VANGL1: variants seen among roughly 807,000 people sequenced by gnomAD.
The protein encoded by VANGL1 is vang-like protein 1.
A neutral mutation model predicts 48.4 loss-of-function variants in VANGL1; 18 were observed. The ratio of observed to expected loss-of-function variants is 0.37; its 90% CI spans 0.26 to 0.55. VANGL1 has a LOEUF of 0.55. Among genes scored for constraint, VANGL1 ranks in the 20% least tolerant of loss-of-function variants. The pLI, the probability that VANGL1 is intolerant of heterozygous loss-of-function variation, is 0.81. For missense variants in VANGL1, 667 were observed against 675.8 expected (o/e 0.99, Z 0.14); for synonymous variants, 257 against 261.8 (o/e 0.98, Z 0.18).
At chr1:115,662,147 G>A (rs1196870690) in intron 3 of VANGL1, among the ~76,000 whole-genome samples, 1 of 152,118 alleles carries the variant, frequency 6.6e-6, no homozygotes, top group East Asian at 1.9e-4. Flanking sequence ...GCAAGTTGAA[G>A]GATTATTAGT....
At chr1:115,675,517 T>C (rs11589651) in intron 4 of VANGL1, among the ~76,000 whole-genome samples, 16,382 of 151,858 alleles carry the variant, frequency 0.11, 1,107 homozygotes, top group Admixed American at 0.15. Context: ...AAATAAAAAT[T>C]GGCCAGGTTT....
chr1:115,677,535 TGAG>T (rs1341524594), intron 4 of VANGL1, among the ~76,000 whole-genome samples: 1 of 152,182 alleles, frequency 6.6e-6, no homozygotes, highest in African/African-American at 2.4e-5. Flanking sequence ...TGAAGCCTAT[TGAG>T]GAGGTTTTTA....
In VANGL1 at chr1:115,680,942, C is replaced by G. The variant is rs78586713; in HGVS notation, c.813-1422C>G. 4.0e-4 allele frequency among the ~76,000 whole-genome samples: 61 copies of G among 152,212 alleles called. 3 individuals carry two copies. The East Asian group carries it at 0.012, about 29-fold the overall frequency. On this transcript the variant is annotated intron_variant, in intron 4 of 7. Coordinates refer to ENST00000355485, the MANE Select transcript of VANGL1 (RefSeq NM_138959.3). ...GTACTAGAAAGGAAAATCCAAAGGGCAAGATAAAAATATATCTGTGGTATT... is the reference window on the plus strand; with the variant it reads ...GTACTAGAAAGGAAAATCCAAAGGGGAAGATAAAAATATATCTGTGGTATT...
chr1:115,678,549 A>G (rs572229535), intron 4 of VANGL1, among the ~76,000 whole-genome samples: 3 of 152,370 alleles, frequency 2.0e-5, no homozygotes, highest in South Asian at 2.1e-4. Flanking sequence ...GATGGAACCC[A>G]GTGTCTTCAC....
intron 4 of VANGL1, among the ~76,000 whole-genome samples, chr1:115,669,728 T>C (rs1326665309): frequency 6.6e-6 from 1 of 152,202 alleles, no homozygotes; most frequent in African/African-American, 2.4e-5. Flanking sequence ...TAAACCTCTT[T>C]TTCTATATAA....
chr1:115,643,570 C>T (rs1220053999), intron 1 of VANGL1, among the ~76,000 whole-genome samples: 1 of 152,148 alleles, frequency 6.6e-6, no homozygotes, highest in Non-Finnish European at 1.5e-5. Context: ...TTAGTGAAAA[C>T]ACTCAGTGTG....
At position 115,687,914 on chromosome 1, in the gene VANGL1, C is replaced by T. The variant is rs1653688461; in HGVS notation, c.1314+2387C>T. Among the ~76,000 whole-genome samples, 2 of 133,540 alleles carry T rather than the reference C, an allele frequency of 1.5e-5. 1 individual carries two copies. Among genetic ancestry groups the T allele is most frequent in the African/African-American group, 5.7e-5 (2 of 35,052 alleles). The allele number at this position is 133,540 out of a possible 152,430, so 87.6% of individuals were successfully genotyped here. ...GTGCTAGTATTACAGGCCACCACCC[C>T]GGCCTATATATATCATTCATTAGGT... On this transcript the variant is annotated intron_variant, in intron 7 of 7. Transcript: ENST00000355485.
At chr1:115,654,498 TAAAAAAAAAAAAAAA>T (rs869142756) in intron 2 of VANGL1, among the ~76,000 whole-genome samples, 4 of 90,822 alleles carry the variant, frequency 4.4e-5, no homozygotes, top group Non-Finnish European at 6.2e-5. Flanking sequence ...TTGGTAGGGC[TAAAAAAAAAAAAAAA>T]AAAAAAAAAT....
Position 115,659,723 on chromosome 1 carries a change from ACT to A in VANGL1, c.155_156del (p.Thr52ArgfsTer8), listed in dbSNP as rs1362607560. The A allele has an allele frequency of 6.2e-7, 1 of 1,614,016 alleles. No individual in the cohort carries two copies. The highest frequency in any genetic ancestry group is 8.5e-7 in the Non-Finnish European group (1 of 1,180,040). On this transcript the variant is annotated frameshift_variant, in exon 3 of 8. Transcript: ENST00000355485. LOFTEE classifies it high-confidence loss of function. ...SEKSVTIQPP[T>X]GEPLLGNDST... is the part of the protein sequence containing the mutation. Reference sequence around the variant, plus strand: ...AAAGTCTGTCACCATTCAACCTCCCACTGGAGAGCCCCTGTTGGGAAATGATT... The same window carrying A: ...AAAGTCTGTCACCATTCAACCTCCCAGGAGAGCCCCTGTTGGGAAATGATT...
At chr1:115,662,121 T>C (rs1215777862) in intron 3 of VANGL1, among the ~76,000 whole-genome samples, 1 of 152,192 alleles carries the variant, frequency 6.6e-6, no homozygotes, top group African/African-American at 2.4e-5. Flanking sequence ...TCACTGTAGG[T>C]GATACTTCTG....
rs563498729 is a variant in VANGL1, at chr1:115,693,049, A to G, written c.*1670A>G. ...TAATACACCTGTACCTGAAAAAGTA[A>G]ACAACATTCTTCAATTACTAGCCTT... On this transcript the variant is annotated 3_prime_UTR_variant, in exon 8 of 8. Transcript: ENST00000355485. The G allele has an allele frequency of 6.6e-6, 1 of 152,382 alleles. No homozygotes were observed. The highest frequency in any genetic ancestry group is 2.1e-4 in the South Asian group (1 of 4,832). The allele number at this position is 152,382 out of a possible 1,614,324, so 9.4% of individuals were successfully genotyped here.
rs1346359816 is a variant in VANGL1 at position 115,692,242 on chromosome 1, T to G, written c.*863T>G. 6.5e-6 allele frequency: 1 copy of G among 152,716 alleles called. No individual in the cohort carries two copies. Among genetic ancestry groups the G allele is most frequent in the African/African-American group, 2.4e-5 (1 of 41,448 alleles). The allele number at this position is 152,716 out of a possible 1,614,324, so 9.5% of individuals were successfully genotyped here. A position where few individuals can be genotyped will look rare whatever the true frequency, so the allele number is the denominator to read the frequency against. On this transcript the variant is annotated 3_prime_UTR_variant, in exon 8 of 8. Transcript: ENST00000355485. ...AGAGAGGGCAGTGGGAATGCCACCT[T>G]TAGGCTGCAGCAGGAGCCCCACACT...
chr1:115,659,817 A>C, intron 3 of VANGL1, 44 bp downstream of exon 3: 1 of 1,613,650 alleles, frequency 6.2e-7, no homozygotes, highest in East Asian at 2.2e-5. Context: ...CACTTGGCCA[A>C]GACTCCTGTC....
rs915637807 is a variant in VANGL1, at chr1:115,691,170, G to A, written c.1366G>A (p.Asp456Asn). 1 of 1,613,996 alleles carries A rather than the reference G, an allele frequency of 6.2e-7. No individual in the cohort carries two copies. The highest frequency in any genetic ancestry group is 8.5e-7 in the Non-Finnish European group (1 of 1,179,982). Residue 456 changes from aspartate (D) to asparagine (N), a missense_variant, in exon 8 of 8, where the codon GAC (aspartate) becomes AAC (asparagine). Physicochemically the swap from Asp to Asn is conservative, Grantham distance 23. Transcript: ENST00000355485. ...SAGPTLQYDK[D>N]RWLSTQWRLV... ...GGGCCCCACCCTGCAATATGACAAG[G>A]ACCGCTGGCTCTCTACACAGTGGAG...
chr1:115,679,328 TG>T (rs1653285264), intron 4 of VANGL1, among the ~76,000 whole-genome samples: 1 of 152,214 alleles, frequency 6.6e-6, no homozygotes, highest in South Asian at 2.1e-4. Flanking sequence ...TCTCACTCTT[TG>T]GGAGGACTGT....
chr1:115,671,902 C>T (rs1652990717), intron 4 of VANGL1, among the ~76,000 whole-genome samples: 1 of 152,202 alleles, frequency 6.6e-6, no homozygotes, highest in Non-Finnish European at 1.5e-5. Flanking sequence ...TGGCTCAGCT[C>T]CTCAGGAGGA....
Position 115,659,739 on chromosome 1 carries a change from T to A in VANGL1, c.170T>A (p.Leu57Ter). ...CAACCTCCCACTGGAGAGCCCCTGTTGGGAAATGATTCTACTCGGACAGAG... is the reference window on the plus strand; with the variant it reads ...CAACCTCCCACTGGAGAGCCCCTGTAGGGAAATGATTCTACTCGGACAGAG... ...TIQPPTGEPL[L>*]GNDSTRTEEV... is the part of the protein sequence containing the mutation. The change falls in exon 3 of 8, where the codon TTG (leucine) becomes TAG (stop). Residue 57 changes from leucine to a stop codon, truncating the protein, a stop_gained. Coordinates refer to ENST00000355485, the MANE Select transcript of VANGL1 (RefSeq NM_138959.3). LOFTEE classifies it high-confidence loss of function. 2 of 1,614,180 alleles carry A rather than the reference T, an allele frequency of 1.2e-6. No individual in the cohort carries two copies. The highest frequency in any genetic ancestry group is 1.7e-6 in the Non-Finnish European group (2 of 1,180,022).
chr1:115,675,452 A>T (rs559487008), intron 4 of VANGL1, among the ~76,000 whole-genome samples: 4 of 152,254 alleles, frequency 2.6e-5, no homozygotes, highest in African/African-American at 7.2e-5. Flanking sequence ...CAGTTAGCTG[A>T]GATTGCACCG....
At chr1:115,658,638 G>A (rs956640506) in intron 2 of VANGL1, among the ~76,000 whole-genome samples, 4 of 152,148 alleles carry the variant, frequency 2.6e-5, no homozygotes, top group Non-Finnish European at 4.4e-5. Flanking sequence ...GTAGGAAGGA[G>A]GGCTGATGTC....
Sources: allele counts gnomAD v4.1 joint callset (sites outside exome capture counted in the v4.1 genomes callset), GRCh38; gene constraint gnomAD v4.1.1; transcripts MANE v1.5; gene names NCBI Gene and HGNC (gene_info 2026-07-23, HGNC 2026-07-21).